PDGFC: variants seen among roughly 807,000 people sequenced by gnomAD.
PDGFC encodes platelet derived growth factor C.
PDGFC carries 12 observed loss-of-function variants against 35.5 expected under a neutral mutation model. That is an observed-to-expected ratio of 0.34 (90% CI 0.22 to 0.55). The LOEUF (loss-of-function observed/expected upper bound fraction) is 0.55. Ranked by LOEUF, PDGFC falls within the 20% of genes least tolerant of loss-of-function variation. The pLI is 0.91. For missense variants in PDGFC, 322 were observed against 412.4 expected (o/e 0.78, Z 1.90); for synonymous variants, 159 against 148.8 (o/e 1.07, Z -0.50).
intron 3 of PDGFC, among the ~76,000 whole-genome samples, chr4:156,807,267 T>A (rs928262925): frequency 6.6e-6 from 1 of 152,036 alleles, no homozygotes; most frequent in African/African-American, 2.4e-5. Flanking sequence ...AAGCTATAAC[T>A]AGCTATAACC....
intron 3 of PDGFC, chr4:156,779,150 C>T (rs544295209): frequency 4.6e-4 from 208 of 456,162 alleles, no homozygotes; most frequent in Non-Finnish European, 7.0e-4. Flanking sequence ...GAACAACTCA[C>T]GGGAGGTTCT....
chr4:156,920,205 G>A (rs557461882), intron 1 of PDGFC, among the ~76,000 whole-genome samples: 2 of 152,286 alleles, frequency 1.3e-5, no homozygotes, highest in South Asian at 2.1e-4. Flanking sequence ...GAATTACTCA[G>A]TCTCAAGTAT....
intron 1 of PDGFC, among the ~76,000 whole-genome samples, chr4:156,932,805 G>T (rs2110881730): frequency 6.6e-6 from 1 of 151,240 alleles, no homozygotes; most frequent in Middle Eastern, 3.4e-3. Context: ...TAAATGACGA[G>T]TTAATGGGTG....
intron 1 of PDGFC, among the ~76,000 whole-genome samples, chr4:156,903,112 T>A (rs1404393512): frequency 2.9e-5 from 4 of 139,034 alleles, no homozygotes; most frequent in Admixed American, 2.1e-4. Context: ...AGAGTGTGTG[T>A]GTGTGTGTGT....
intron 1 of PDGFC, among the ~76,000 whole-genome samples, chr4:156,904,011 T>C (rs563641768): frequency 3.3e-5 from 5 of 152,190 alleles, no homozygotes; most frequent in Admixed American, 3.3e-4. Context: ...AGGTTCCCTG[T>C]AAATTTAAAA....
chr4:156,909,755 G>C (rs1437807080), intron 1 of PDGFC, among the ~76,000 whole-genome samples: 1 of 152,062 alleles, frequency 6.6e-6, no homozygotes, highest in Non-Finnish European at 1.5e-5. Context: ...TTCCCTCAAA[G>C]ATATACGTCC....
chr4:156,841,969 C>T (rs1269170769), intron 2 of PDGFC: 1 of 152,124 alleles, frequency 6.6e-6, no homozygotes, highest in African/African-American at 2.4e-5. Flanking sequence ...TATGGCATAT[C>T]TCTAGCAGAA....
rs113807628 is a variant in PDGFC at position 156,890,029 on chromosome 4, T to C, written c.119-39613A>G. On this transcript the variant is annotated intron_variant, in intron 1 of 5. Transcript: ENST00000502773. The stretch of plus-strand genomic sequence containing the variant: ...TTATAAGTAAGCAGCTCCTCTGAGT[T>C]AATACATGCTATCATCCAGGTTAAT... Among the ~76,000 whole-genome samples, 287 of 152,294 alleles carry C rather than the reference T, an allele frequency of 1.9e-3. 1 individual carries two copies. Among genetic ancestry groups the C allele is most frequent in the African/African-American group, 6.6e-3 (275 of 41,564 alleles).
At chr4:156,963,502 G>C (rs1732390175) in intron 1 of PDGFC, among the ~76,000 whole-genome samples, 1 of 151,286 alleles carries the variant, frequency 6.6e-6, no homozygotes. Flanking sequence ...ATACAAAAGG[G>C]AAAAAGCTAA....
At chr4:156,921,076 T>C (rs1432398006) in intron 1 of PDGFC, among the ~76,000 whole-genome samples, 1 of 152,132 alleles carries the variant, frequency 6.6e-6, no homozygotes, top group African/African-American at 2.4e-5. Context: ...ACAGTCTCTA[T>C]AAAGGAGCAG....
intron 3 of PDGFC, among the ~76,000 whole-genome samples, chr4:156,782,627 C>A: frequency 6.6e-6 from 1 of 152,086 alleles, no homozygotes; most frequent in East Asian, 1.9e-4. Flanking sequence ...GTTATATGTT[C>A]TTTGGTCATG....
intron 1 of PDGFC, among the ~76,000 whole-genome samples, chr4:156,883,155 C>A (rs1269630248): frequency 6.6e-6 from 1 of 151,184 alleles, no homozygotes; most frequent in African/African-American, 2.4e-5. Context: ...AGCTGTAGTA[C>A]CATTTCTAAG....
intron 3 of PDGFC, among the ~76,000 whole-genome samples, chr4:156,782,918 T>C (rs1209827221): frequency 6.6e-6 from 1 of 152,178 alleles, no homozygotes; most frequent in Admixed American, 6.5e-5. Flanking sequence ...ATAGCCATTG[T>C]GAGGTTCGTA....
intron 1 of PDGFC, among the ~76,000 whole-genome samples, chr4:156,862,929 A>G (rs1393993614): frequency 6.6e-6 from 1 of 151,992 alleles, no homozygotes; most frequent in Non-Finnish European, 1.5e-5. Flanking sequence ...TCCTGACCTC[A>G]TGATCCATCC....
chr4:156,937,595 A>G lies in PDGFC; in HGVS notation c.118+33191T>C, dbSNP rs1003671538. ...CAGTTTTTAGTCCCAGCTACTCAGG[A>G]GGCTTGAGGTGGGAGGATCACATGA... On this transcript the variant is annotated intron_variant, in intron 1 of 5. Transcript: ENST00000502773. 3.3e-5 allele frequency among the ~76,000 whole-genome samples: 5 copies of G among 152,208 alleles called. No homozygotes were observed. The South Asian group carries it at 1.0e-3, about 32-fold the overall frequency.
At chr4:156,896,625 A>T (rs1560862250) in intron 1 of PDGFC, among the ~76,000 whole-genome samples, 1 of 152,340 alleles carries the variant, frequency 6.6e-6, no homozygotes, top group Non-Finnish European at 1.5e-5. Context: ...AATTTCAGTT[A>T]CATATTTAGA....
intron 1 of PDGFC, 96 bp from the exon 2 acceptor site, chr4:156,850,512 G>C: frequency 1.7e-6 from 1 of 584,474 alleles, no homozygotes; most frequent in Non-Finnish European, 2.9e-6. Flanking sequence ...CCTCAGACAA[G>C]TGCTGAGTGT....
intron 1 of PDGFC, among the ~76,000 whole-genome samples, chr4:156,923,308 T>C (rs1731332054): frequency 6.6e-6 from 1 of 152,194 alleles, no homozygotes; most frequent in Non-Finnish European, 1.5e-5. Flanking sequence ...CCTCCGGTCC[T>C]GGCATGGCTG....
At chr4:156,869,857 C>T (rs551546374) in intron 1 of PDGFC, among the ~76,000 whole-genome samples, 39 of 152,150 alleles carry the variant, frequency 2.6e-4, no homozygotes, top group Non-Finnish European at 4.1e-4. Flanking sequence ...GTTTTTGTCA[C>T]ACACACATAC....
Sources: gnomAD v4.1 joint callset for allele counts (sites outside exome capture counted in the v4.1 genomes callset) on GRCh38, gnomAD v4.1.1 for gene constraint, MANE v1.5 for transcripts, NCBI Gene and HGNC (gene_info 2026-07-23, HGNC 2026-07-21) for gene names.